Variants in FRMD1 observed in about 807,000 individuals in gnomAD.
FRMD1 encodes FERM domain-containing protein 1.
Under a neutral mutation model 54.9 loss-of-function variants are expected in FRMD1, and 51 were observed. The observed-to-expected ratio is 0.93, with a 90% confidence interval of 0.74 to 1.17. The LOEUF is 1.17. Ranked by LOEUF, FRMD1 falls within the 50% of genes most tolerant of loss-of-function variation. FRMD1 has a pLI of 0.00. For synonymous variants in FRMD1, 324 were observed against 306.4 expected, an observed-to-expected ratio of 1.06 and a Z score of -0.60; for missense variants, 729 against 743.0, an observed-to-expected ratio of 0.98 and a Z score of 0.22.
At chr6:168,070,049 C>T (rs908822353) in intron 2 of FRMD1, among the ~76,000 whole-genome samples, 1 of 152,028 alleles carries the variant, frequency 6.6e-6, no homozygotes, top group Admixed American at 6.6e-5. Flanking sequence ...CATAATGAGA[C>T]CCGACTCCAC....
chr6:168,073,363 C>T (rs962407812), intron 2 of FRMD1, among the ~76,000 whole-genome samples: 4 of 152,208 alleles, frequency 2.6e-5, no homozygotes, highest in Non-Finnish European at 5.9e-5. Context: ...CTCAGGGGCT[C>T]ATGGTGTCCA....
chr6:168,074,535 TGAG>T (rs1416341241), intron 2 of FRMD1, among the ~76,000 whole-genome samples: 1 of 150,580 alleles, frequency 6.6e-6, no homozygotes, highest in Non-Finnish European at 1.5e-5. Flanking sequence ...TGTGTACATG[TGAG>T]TAGTGTGTAA....
intron 1 of FRMD1, among the ~76,000 whole-genome samples, chr6:168,087,656 G>A (rs1583214669): frequency 1.3e-5 from 2 of 152,240 alleles, no homozygotes; most frequent in African/African-American, 2.4e-5. Context: ...TGAGATGCAC[G>A]GGCTGGCGTG....
chr6:168,053,137 CAATT>C lies in FRMD1; in HGVS notation c.*3956_*3959del, dbSNP rs1451860160. On this transcript the variant is annotated 3_prime_UTR_variant, in exon 11 of 11. Coordinates refer to ENST00000283309, the MANE Select transcript of FRMD1 (RefSeq NM_024919.6). ...TGGTGAGCTGCCTGTGATTAATAAA[CAATT>C]AACCCGCGCCATTTTCCCCACTGCG... 7.3e-5 allele frequency: 11 copies of C among 149,844 alleles called. No homozygotes were observed. Among genetic ancestry groups the C allele is most frequent in the Admixed American group, 6.0e-4 (9 of 14,948 alleles). The allele number at this position is 149,844 out of a possible 1,614,324, so 9.3% of individuals were successfully genotyped here. A position where few individuals can be genotyped will look rare whatever the true frequency, so the allele number is the denominator to read the frequency against.
chr6:168,061,703 C>T, intron 8 of FRMD1, 104 bp downstream of exon 8: 2 of 1,252,716 alleles, frequency 1.6e-6, no homozygotes, highest in Admixed American at 2.4e-5. Context: ...GAGGCCACAA[C>T]AATAAGAGAC....
intron 2 of FRMD1, among the ~76,000 whole-genome samples, chr6:168,071,036 A>G (rs1292876916): frequency 2.0e-5 from 3 of 152,124 alleles, no homozygotes; most frequent in African/African-American, 7.2e-5. Context: ...AAAGGCCTGA[A>G]CTTCCCCACT....
chr6:168,081,426 T>C (rs1470060239), upstream of FRMD1: 2 of 1,535,310 alleles, frequency 1.3e-6, no homozygotes, highest in African/African-American at 1.4e-5. Flanking sequence ...GGCCGGGCAG[T>C]GGACGGGCAG....
Position 168,057,212 on chromosome 6 carries a change from T to C in FRMD1, c.1535A>G (p.Asp512Gly). ...SLSHTFHRALDCRLAGPCETR... is the reference protein window; with the variant it reads ...SLSHTFHRALGCRLAGPCETR... ...CTCGCAGGGGCCTGCCAGCCTGCAGTCCAGGGCGCGGTGGAAGGTATGGCT... is the reference window on the plus strand; with the variant it reads ...CTCGCAGGGGCCTGCCAGCCTGCAGCCCAGGGCGCGGTGGAAGGTATGGCT... The change falls in exon 11 of 11, where the codon GAC becomes GGC. Residue 512 changes from aspartate (D) to glycine (G), a missense_variant. Coordinates refer to ENST00000283309, the MANE Select transcript of FRMD1 (RefSeq NM_024919.6). 3 of 1,607,918 alleles carry C rather than the reference T, an allele frequency of 1.9e-6. No individual in the cohort carries two copies. The highest frequency in any genetic ancestry group is 2.5e-6 in the Non-Finnish European group (3 of 1,177,304).
rs1386169959 is a variant in FRMD1, at chr6:168,055,372, CATGT to C, written c.*1721_*1724del. The C allele has an allele frequency of 1.3e-5, 2 of 152,414 alleles. No homozygotes were observed. The allele number at this position is 152,414 out of a possible 1,614,324, so 9.4% of individuals were successfully genotyped here. The stretch of plus-strand genomic sequence containing the variant: ...CTGTGTGCAGATGTGTGCGTGTGTG[CATGT>C]ATGTGTGTGCATGCATGTGGATGTG... On this transcript the variant is annotated 3_prime_UTR_variant, in exon 11 of 11. Transcript: ENST00000283309.
intron 1 of FRMD1, among the ~76,000 whole-genome samples, chr6:168,091,563 G>A (rs1801016391): frequency 6.6e-6 from 1 of 152,204 alleles, no homozygotes; most frequent in Non-Finnish European, 1.5e-5. Flanking sequence ...AGTGTCTCTG[G>A]AGCCGGTGGG....
At position 168,087,028 on chromosome 6, in the gene FRMD1, C is replaced by A. The variant is rs146623278; in HGVS notation, c.-11-8004G>T. 5.0e-3 allele frequency among the ~76,000 whole-genome samples: 769 copies of A among 152,330 alleles called. 11 individuals carry two copies. Among genetic ancestry groups the A allele is most frequent in the African/African-American group, 0.018 (732 of 41,576 alleles). On this transcript the variant is annotated intron_variant, in intron 1 of 12. Transcript: ENST00000644440. Reference sequence around the variant, plus strand: ...CACTCACCTCTCCCCGCTCACACTCCCTTGGGCCTGGTTTTCAACCACTGA... The same window carrying A: ...CACTCACCTCTCCCCGCTCACACTCACTTGGGCCTGGTTTTCAACCACTGA...
At chr6:168,064,350 A>G (rs529123355) in intron 5 of FRMD1, among the ~76,000 whole-genome samples, 3 of 152,182 alleles carry the variant, frequency 2.0e-5, no homozygotes, top group South Asian at 2.1e-4. Context: ...ACAGCCATCA[A>G]TCCGCGCGGC....
At chr6:168,066,648 T>A (rs1458209241) in intron 4 of FRMD1, 107 bp downstream of exon 4, 2 of 1,452,404 alleles carry the variant, frequency 1.4e-6, no homozygotes, top group Non-Finnish European at 1.8e-6. Context: ...TTGTTTTTTG[T>A]TTTTGGATAA....
chr6:168,078,859 C>T lies in FRMD1; in HGVS notation c.213+23G>A, dbSNP rs201879637. On this transcript the variant is annotated intron_variant, in intron 1 of 10. Coordinates refer to ENST00000283309, the MANE Select transcript of FRMD1 (RefSeq NM_024919.6). ...ACCCCCACAGCTCTGTTTACCCCCA[C>T]GGCCACCCAGGGCCCTGCTCACCCC... The T allele has an allele frequency of 8.1e-5, 125 of 1,534,298 alleles. 1 individual carries two copies. In the South Asian group the frequency reaches 8.2e-4, roughly 10 times the overall value.
intron 2 of FRMD1, among the ~76,000 whole-genome samples, chr6:168,072,687 A>G (rs1452680919): frequency 7.2e-6 from 1 of 138,306 alleles, no homozygotes; most frequent in Non-Finnish European, 1.6e-5. Flanking sequence ...AATTCCCCCC[A>G]ATCCCCACCC....
At chr6:168,066,601 C>T in intron 4 of FRMD1, 154 bp downstream of exon 4, 2 of 1,423,678 alleles carry the variant, frequency 1.4e-6, no homozygotes, top group South Asian at 1.6e-5. Context: ...CCTGTGTTAA[C>T]CCCAAAGCAA....
chr6:168,067,487 G>C (rs761837576), intron 2 of FRMD1, 41 bp from the exon 3 acceptor site: 4 of 1,268,854 alleles, frequency 3.2e-6, no homozygotes, highest in Non-Finnish European at 4.5e-6. Flanking sequence ...CAGTCACCAT[G>C]CTTCTCAGGT....
intron 1 of FRMD1, among the ~76,000 whole-genome samples, chr6:168,087,404 G>A (rs1441010511): frequency 6.6e-6 from 1 of 152,236 alleles, no homozygotes; most frequent in Non-Finnish European, 1.5e-5. Flanking sequence ...TTTGCAGACA[G>A]TGCAAATGAT....
chr6:168,083,508 GT>G (rs1326695833), upstream of FRMD1, among the ~76,000 whole-genome samples: 1 of 152,252 alleles, frequency 6.6e-6, no homozygotes, highest in Non-Finnish European at 1.5e-5. Flanking sequence ...TGAATGAGAG[GT>G]TAAATCAACA....
Sources: allele counts gnomAD v4.1 joint callset (sites outside exome capture counted in the v4.1 genomes callset), GRCh38; gene constraint gnomAD v4.1.1; transcripts MANE v1.5; gene names NCBI Gene and HGNC (gene_info 2026-07-23, HGNC 2026-07-21).